Variants in POLM observed in about 807,000 individuals in gnomAD.
POLM encodes the protein DNA polymerase mu.
A neutral mutation model predicts 56.7 loss-of-function variants in POLM; 52 were observed. The observed-to-expected ratio is 0.92, with a 90% CI of 0.73 to 1.15. The LOEUF (loss-of-function observed/expected upper bound fraction) is 1.15, where lower values mean the gene tolerates loss of function less well. Among genes scored for constraint, POLM ranks in the 50% most tolerant of loss-of-function variants. The probability of loss-of-function intolerance (pLI) is 0.00; values close to 1 mark genes in which losing one functional copy is unlikely to be tolerated. For synonymous variants in POLM, 273 were observed against 274.3 expected (o/e 1.00, Z 0.05); for missense variants, 660 against 663.6 (o/e 0.99, Z 0.06).
At position 44,082,331 on chromosome 7, in the gene POLM, C is replaced by A. The variant is rs748451961; in HGVS notation, c.108G>T (p.Glu36Asp). ...CCCGGCGGCTGCGACCCATGCGAGG[C>A]TCGACCAGGTAGATGGCGACTCCCG... ...RFPGVAIYLV[E>D]PRMGRSRRAF... Residue 36 changes from glutamate (E) to aspartate (D), a missense_variant, in exon 1 of 11, where the codon GAG (glutamate) becomes GAT (aspartate). Glu to Asp is a conservative substitution (Grantham distance 45, BLOSUM62 2). Transcript: ENST00000242248. 11 of 1,561,720 alleles carry A rather than the reference C, an allele frequency of 7.0e-6. No individual in the cohort carries two copies. Among genetic ancestry groups the A allele is most frequent in the Non-Finnish European group, 2.6e-6 (3 of 1,160,914 alleles).
Position 44,076,600 on chromosome 7 carries a change from C to T in POLM, c.744G>A (p.Val248=), listed in dbSNP as rs1206861288. 28 of 1,614,164 alleles carry T rather than the reference C, an allele frequency of 1.7e-5. No individual in the cohort carries two copies. Among genetic ancestry groups the T allele is most frequent in the Non-Finnish European group, 2.3e-5 (27 of 1,180,028 alleles). The change falls in exon 6 of 11, where the codon GTG becomes GTA. Residue 248 remains valine (V), a synonymous_variant. Transcript: ENST00000242248. ...KLFTQIFGVG[V]KTADRWYREG... Reference sequence around the variant, plus strand: ...CCCGGTACCACCGGTCAGCAGTCTTCACACCGACCCCGAAGATCTGGGTGA... The same window carrying T: ...CCCGGTACCACCGGTCAGCAGTCTTTACACCGACCCCGAAGATCTGGGTGA...
At chr7:44,078,064 C>A (rs1477526296) in intron 5 of POLM, among the ~76,000 whole-genome samples, 2 of 152,240 alleles carry the variant, frequency 1.3e-5, no homozygotes, top group Non-Finnish European at 2.9e-5. Flanking sequence ...AGAAGGCGGG[C>A]AAGGGCAAGC....
intron 4 of POLM, among the ~76,000 whole-genome samples, chr7:44,079,326 T>C (rs1231035526): frequency 1.3e-5 from 2 of 152,114 alleles, no homozygotes; most frequent in Non-Finnish European, 2.9e-5. Context: ...GACAACAGTG[T>C]CACCCCTAGC....
Position 44,073,781 on chromosome 7 carries a change from A to T in POLM, c.1314+2T>A. The T allele has an allele frequency of 6.2e-7, 1 of 1,614,008 alleles. No individual in the cohort carries two copies. The highest frequency in any genetic ancestry group is 8.5e-7 in the Non-Finnish European group (1 of 1,179,906). ...CAGGCGGCCCAGCGGCACACTGCCT[A>T]CCTTGGAGCCAGTCCAACCGAGCAG... On this transcript the variant is annotated splice_donor_variant, in intron 9 of 10. Transcript: ENST00000242248. LOFTEE classifies it high-confidence loss of function.
At chr7:44,075,176 G>A (rs1331874822) in intron 6 of POLM, among the ~76,000 whole-genome samples, 1 of 152,118 alleles carries the variant, frequency 6.6e-6, no homozygotes, top group Non-Finnish European at 1.5e-5. Context: ...TCAGCCTCCC[G>A]AGTAGCTGAG....
intron 2 of POLM, 26 bp downstream of exon 2, chr7:44,080,707 C>T: frequency 8.1e-6 from 13 of 1,610,740 alleles, no homozygotes; most frequent in Non-Finnish European, 1.0e-5. Flanking sequence ...ACTGTAGCCC[C>T]CACTTTAGTC....
chr7:44,074,615 C>G, intron 6 of POLM, 85 bp from the exon 7 acceptor site: 2 of 1,438,012 alleles, frequency 1.4e-6, no homozygotes, highest in Non-Finnish European at 1.8e-6. Context: ...GGTGATCAAC[C>G]TGGGGCCCCG....
chr7:44,076,454 G>A, intron 6 of POLM, 55 bp downstream of exon 6: 1 of 1,609,094 alleles, frequency 6.2e-7, no homozygotes, highest in Non-Finnish European at 8.5e-7. Flanking sequence ...TGATGCTGAG[G>A]GATCCAGGGT....
Position 44,074,194 on chromosome 7 carries a change from G to A in POLM, c.1008C>T (p.Thr336=), listed in dbSNP as rs763575036. ...CCGCCTCCTGACCCTCCTTGGGGTG[G>A]GTGATGAGGAAGTCCACGTCATGGC... is the stretch of plus-strand genomic sequence containing the variant. ...LQGHDVDFLI[T]HPKEGQEAGL... The change falls in exon 8 of 11, where the codon ACC becomes ACT. Residue 336 remains threonine, a synonymous_variant. Transcript: ENST00000242248. 3.1e-6 allele frequency: 5 copies of A among 1,598,868 alleles called. No homozygotes were observed. Among genetic ancestry groups the A allele is most frequent in the Non-Finnish European group, 2.6e-6 (3 of 1,173,056 alleles).
At chr7:44,078,634 G>A in intron 5 of POLM, 106 bp downstream of exon 5, 1 of 987,064 alleles carries the variant, frequency 1.0e-6, no homozygotes, top group Admixed American at 1.8e-5. Flanking sequence ...CTGACCCCTG[G>A]GCTGGGTCAG....
At chr7:44,076,760 C>T (rs776396893) in intron 5 of POLM, 131 bp from the exon 6 acceptor site, 32 of 1,156,088 alleles carry the variant, frequency 2.8e-5, no homozygotes, top group South Asian at 7.2e-5. Flanking sequence ...CGCAACCTGC[C>T]GTAGACCACA....
chr7:44,080,260 G>A (rs149902563), intron 2 of POLM: 11 of 527,200 alleles, frequency 2.1e-5, no homozygotes, highest in East Asian at 8.1e-5. Flanking sequence ...ACAACCAAGC[G>A]GGCTGGGGAT....
chr7:44,074,670 G>C, intron 6 of POLM, 140 bp from the exon 7 acceptor site: 1 of 900,232 alleles, frequency 1.1e-6, no homozygotes, highest in Non-Finnish European at 1.6e-6. Context: ...TGAGGCTAGG[G>C]CAGGGAGCAG....
In POLM at chr7:44,073,010, C is replaced by T; in HGVS notation, c.*281G>A. The T allele has an allele frequency of 8.6e-7, 1 of 1,160,210 alleles. No homozygotes were observed. Among genetic ancestry groups the T allele is most frequent in the Non-Finnish European group, 1.2e-6 (1 of 855,826 alleles). 71.9% of individuals were successfully genotyped at this position (1,160,210 alleles called of 1,614,324 possible). Reference sequence around the variant, plus strand: ...TCCACGATGTGGGCCCCACTCACATCCCATCCAGGGCAGGAACGTGAGCCA... The same window carrying T: ...TCCACGATGTGGGCCCCACTCACATTCCATCCAGGGCAGGAACGTGAGCCA... On this transcript the variant is annotated 3_prime_UTR_variant, in exon 11 of 11. Transcript: ENST00000242248.
Position 44,076,585 on chromosome 7 carries a change from C to T in POLM, c.759G>A (p.Arg253=). The T allele has an allele frequency of 6.2e-7, 1 of 1,614,112 alleles. No individual in the cohort carries two copies. Among genetic ancestry groups the T allele is most frequent in the Non-Finnish European group, 8.5e-7 (1 of 1,180,016 alleles). The part of the protein sequence containing the change: ...IFGVGVKTAD[R]WYREGLRTLD... ...AGGTTCGCAGTCCTTCCCGGTACCA[C>T]CGGTCAGCAGTCTTCACACCGACCC... is the stretch of plus-strand genomic sequence containing the variant. Residue 253 remains arginine, a synonymous_variant, in exon 6 of 11, where the codon CGG becomes CGA. Transcript: ENST00000242248.
rs769158245 is a variant in POLM, at chr7:44,079,773, G to A, written c.472-32C>T. 5.6e-6 allele frequency: 9 copies of A among 1,610,910 alleles called. No homozygotes were observed. In the South Asian group the frequency reaches 6.6e-5, roughly 12 times the overall value. The stretch of plus-strand genomic sequence containing the variant: ...GGAGGGGCCCTAGGTAAGGGGCAGG[G>A]TGGGCAGCTCCAATCCCCCACCTAC... On this transcript the variant is annotated intron_variant, in intron 3 of 10. Coordinates refer to ENST00000242248, the MANE Select transcript of POLM (RefSeq NM_013284.4).
chr7:44,079,528 T>G, intron 4 of POLM, 43 bp downstream of exon 4: 3 of 1,506,350 alleles, frequency 2.0e-6, no homozygotes, highest in Non-Finnish European at 1.8e-6. Context: ...CCCCAAGGCC[T>G]CCCCACCCAC....
intron 1 of POLM, 81 bp from the exon 2 acceptor site, chr7:44,080,997 G>A (rs977185123): frequency 2.1e-5 from 25 of 1,217,614 alleles, no homozygotes; most frequent in Admixed American, 1.5e-4. Context: ...CACTCTTGCC[G>A]TCCCTTCTGC....
rs1444584545 is a variant in POLM, at chr7:44,074,402, G to A, written c.964C>T (p.Arg322Cys). The A allele has an allele frequency of 5.1e-6, 8 of 1,555,506 alleles. No homozygotes were observed. Among genetic ancestry groups the A allele is most frequent in the East Asian group, 2.4e-5 (1 of 41,432 alleles). ...GGGCACGTCGGGCCTTCTTACCTGC[G>A]GAAGCCGCCGGTCAGCGTGACGGTG... is the stretch of plus-strand genomic sequence containing the variant. ...GATVTLTGGFRRGKLQGHDVD... is the reference protein window; with the variant it reads ...GATVTLTGGFCRGKLQGHDVD... Residue 322 changes from arginine (R) to cysteine (C), a missense_variant, in exon 7 of 11, where the codon CGC (arginine) becomes TGC (cysteine). Transcript: ENST00000242248.
Sources: allele counts gnomAD v4.1 joint callset (sites outside exome capture counted in the v4.1 genomes callset), GRCh38; gene constraint gnomAD v4.1.1; transcripts MANE v1.5; gene names NCBI Gene and HGNC (gene_info 2026-07-23, HGNC 2026-07-21).